ARFGEF3: variants seen among roughly 807,000 people sequenced by gnomAD.
The protein encoded by ARFGEF3 is ARFGEF family member 3.
In ARFGEF3, 96 loss-of-function variants were observed where a neutral mutation model predicts 221.7. The ratio of observed to expected loss-of-function variants is 0.43; its 90% CI spans 0.37 to 0.51. The LOEUF (loss-of-function observed/expected upper bound fraction) is 0.51, where lower values mean the gene tolerates loss of function less well. Ranked by LOEUF, ARFGEF3 falls within the 20% of genes least tolerant of loss-of-function variation. The pLI is 0.00. For synonymous variants in ARFGEF3, 1,145 were observed against 1,126.8 expected, an observed-to-expected ratio of 1.02 and a Z score of -0.32; for missense variants, 2,410 against 2,789.9, an observed-to-expected ratio of 0.86 and a Z score of 3.07.
At chr6:138,190,376 G>A (rs946699639) in intron 2 of ARFGEF3, among the ~76,000 whole-genome samples, 2 of 151,976 alleles carry the variant, frequency 1.3e-5, no homozygotes, top group Admixed American at 1.3e-4. Context: ...GTGGCATTTG[G>A]AAGGATGGAT....
intron 1 of ARFGEF3, among the ~76,000 whole-genome samples, chr6:138,168,455 C>G (rs2114424951): frequency 6.6e-6 from 1 of 152,280 alleles, no homozygotes; most frequent in East Asian, 1.9e-4. Flanking sequence ...CATGAAAGTC[C>G]TTGTTGGGCT....
At position 138,263,528 on chromosome 6, in the gene ARFGEF3, G is replaced by T. The variant is rs371342122; in HGVS notation, c.2045G>T (p.Gly682Val). 203 of 1,613,372 alleles carry T rather than the reference G, an allele frequency of 1.3e-4. No individual in the cohort carries two copies. Among genetic ancestry groups the T allele is most frequent in the Non-Finnish European group, 1.7e-4 (195 of 1,179,874 alleles). Residue 682 changes from glycine to valine, a missense_variant, in exon 12 of 34, where the codon GGC becomes GTC. This residue lies in a region of ARFGEF3 where 594 missense variants were observed against 734.3 expected (regional missense o/e 0.81). Transcript: ENST00000251691. ...AGGCTGTTCATACAGTCCCTGGAAG[G>T]CCTCCTCCCTCGGCTCCTGTCTCTC... ...SARLFIQSLE[G>V]LLPRLLSLSN...
chr6:138,323,745 C>T lies in ARFGEF3; in HGVS notation c.4841C>T (p.Ala1614Val), dbSNP rs767280503. 1.9e-6 allele frequency: 3 copies of T among 1,613,976 alleles called. No homozygotes were observed. Among genetic ancestry groups the T allele is most frequent in the South Asian group, 1.1e-5 (1 of 91,086 alleles). Reference sequence around the variant, plus strand: ...CTTGCCTGCTGTGCCCTGCAAGATGCGTTCTCTGCCACACTCAAGCCAGTG... The same window carrying T: ...CTTGCCTGCTGTGCCCTGCAAGATGTGTTCTCTGCCACACTCAAGCCAGTG... ...WRLACCALQD[A>V]FSATLKPVKD... Residue 1614 changes from alanine (A) to valine (V), a missense_variant, in exon 30 of 34, where the codon GCG becomes GTG. Around this residue, in one of 5 missense-constraint regions of ARFGEF3, gnomAD observed 723 missense variants for 991.9 expected, o/e 0.73. Coordinates refer to ENST00000251691, the MANE Select transcript of ARFGEF3 (RefSeq NM_020340.5).
At chr6:138,218,916 G>C (rs959440628) in intron 4 of ARFGEF3, among the ~76,000 whole-genome samples, 4 of 151,814 alleles carry the variant, frequency 2.6e-5, no homozygotes, top group Admixed American at 1.3e-4. Context: ...AATAAGTCGT[G>C]GAACTTTTAA....
chr6:138,242,597 C>T (rs1778412300), intron 6 of ARFGEF3, among the ~76,000 whole-genome samples: 1 of 152,168 alleles, frequency 6.6e-6, no homozygotes, highest in Non-Finnish European at 1.5e-5. Context: ...ATTAACTCAC[C>T]TCTTCAGGTA....
In ARFGEF3 at chr6:138,336,332, T is replaced by C; in HGVS notation, c.6380T>C (p.Ile2127Thr). ...ATGGTGCTAACAGTTCTCAATCAGA[T>C]TCAGATTCTCCCAGACCAGACCTTC... Reference protein sequence around the residue: ...TNMVLTVLNQIQILPDQTFTA... With the variant: ...TNMVLTVLNQTQILPDQTFTA... The change falls in exon 34 of 34, where the codon ATT (isoleucine) becomes ACT (threonine). Residue 2127 changes from isoleucine to threonine, a missense_variant. By Grantham distance (89) the Ile-to-Thr change is moderately conservative (BLOSUM62 -1). Coordinates refer to ENST00000251691, the MANE Select transcript of ARFGEF3 (RefSeq NM_020340.5). 3 of 1,605,594 alleles carry C rather than the reference T, an allele frequency of 1.9e-6. No individual in the cohort carries two copies. The highest frequency in any genetic ancestry group is 2.7e-5 in the African/African-American group (2 of 74,612).
At chr6:138,307,219 G>C in intron 22 of ARFGEF3, 34 bp from the exon 23 acceptor site, 2 of 1,606,320 alleles carry the variant, frequency 1.2e-6, no homozygotes, top group Middle Eastern at 1.7e-4. Context: ...TTTAAGGAGA[G>C]GGCTTTAAGT....
intron 8 of ARFGEF3, among the ~76,000 whole-genome samples, chr6:138,248,309 G>A (rs1487456897): frequency 6.6e-6 from 1 of 152,110 alleles, no homozygotes; most frequent in Non-Finnish European, 1.5e-5. Flanking sequence ...ACTTGTTTGT[G>A]TTCACCAGGG....
intron 6 of ARFGEF3, among the ~76,000 whole-genome samples, chr6:138,240,176 G>A (rs911934831): frequency 1.5e-4 from 22 of 151,430 alleles, no homozygotes; most frequent in Non-Finnish European, 3.1e-4. Context: ...AGCTAGTATG[G>A]GAATATTTAG....
chr6:138,270,463 C>CACACAT (rs879929949), intron 12 of ARFGEF3, among the ~76,000 whole-genome samples: 152 of 123,878 alleles, frequency 1.2e-3, no homozygotes, highest in Middle Eastern at 7.8e-3. Context: ...CACACACACA[C>CACACAT]ATATATATAT....
At chr6:138,299,867 A>T (rs1779598921) in intron 22 of ARFGEF3, among the ~76,000 whole-genome samples, 1 of 152,194 alleles carries the variant, frequency 6.6e-6, no homozygotes, top group African/African-American at 2.4e-5. Context: ...GCACTCCAGG[A>T]TTTATTATTA....
In ARFGEF3 at chr6:138,189,397, A is replaced by C. The variant is rs529054697; in HGVS notation, c.138-17645A>C. Among the ~76,000 whole-genome samples, 13 of 152,336 alleles carry C rather than the reference A, an allele frequency of 8.5e-5. No individual in the cohort carries two copies. The East Asian group carries it at 1.9e-3, about 23-fold the overall frequency. ...GAGAGGAGACTGAGGCTTTGTGAGG[A>C]TAACTTGCCCAGGATTACCCAGTAA... On this transcript the variant is annotated intron_variant, in intron 2 of 33. Transcript: ENST00000251691.
intron 24 of ARFGEF3, among the ~76,000 whole-genome samples, chr6:138,310,198 C>T (rs933522134): frequency 1.3e-5 from 2 of 152,172 alleles, no homozygotes; most frequent in African/African-American, 4.8e-5. Context: ...CGTTCAAATA[C>T]ACAGCGGCCA....
intron 12 of ARFGEF3, among the ~76,000 whole-genome samples, chr6:138,269,247 C>T (rs530495366): frequency 1.2e-4 from 19 of 152,394 alleles, no homozygotes; most frequent in Admixed American, 1.1e-3. Flanking sequence ...GCTTCTTCCC[C>T]TGTCTCTTCA....
rs1169810534 is a variant in ARFGEF3 at position 138,162,405 on chromosome 6, C to T, written c.85+234C>T. Among the ~76,000 whole-genome samples, 1 of 152,230 alleles carries T rather than the reference C, an allele frequency of 6.6e-6. No individual in the cohort carries two copies. Among genetic ancestry groups the T allele is most frequent in the South Asian group, 2.1e-4 (1 of 4,826 alleles). Reference sequence around the variant, plus strand: ...CGAAACCTTCCTCGGGAACCGCTGTCCTCCCTGCCTGGCGGCCCCCTTCTC... The same window carrying T: ...CGAAACCTTCCTCGGGAACCGCTGTTCTCCCTGCCTGGCGGCCCCCTTCTC... On this transcript the variant is annotated intron_variant, in intron 1 of 33. Coordinates refer to ENST00000251691, the MANE Select transcript of ARFGEF3 (RefSeq NM_020340.5). The surrounding 1 kb of genome is among the most constrained non-coding windows in gnomAD (Gnocchi z 4.7).
chr6:138,307,492 A>G, intron 23 of ARFGEF3, 95 bp downstream of exon 23: 1 of 1,133,154 alleles, frequency 8.8e-7, no homozygotes, highest in Non-Finnish European at 1.3e-6. Context: ...TAGGGAAGAC[A>G]GATTGTCAGC....
chr6:138,164,348 C>T (rs996813093), intron 1 of ARFGEF3, among the ~76,000 whole-genome samples: 3 of 152,198 alleles, frequency 2.0e-5, no homozygotes, highest in Non-Finnish European at 4.4e-5. Context: ...AGCTGCAGCA[C>T]TTTGTTGAAC....
intron 2 of ARFGEF3, among the ~76,000 whole-genome samples, chr6:138,197,510 A>T (rs1777452251): frequency 6.6e-6 from 1 of 152,208 alleles, no homozygotes; most frequent in Admixed American, 6.5e-5. Context: ...CTTTTATACA[A>T]CTGGCGGCAC....
chr6:138,278,421 C>A, intron 12 of ARFGEF3, 30 bp from the exon 13 acceptor site: 1 of 1,608,168 alleles, frequency 6.2e-7, no homozygotes. Flanking sequence ...CTGTTCACAC[C>A]CCCAAAAGTC....
Sources: allele counts gnomAD v4.1 joint callset (sites outside exome capture counted in the v4.1 genomes callset), GRCh38; gene constraint gnomAD v4.1.1; regional missense constraint gnomAD v4.1.1; non-coding constraint Gnocchi (gnomAD v3.1); transcripts MANE v1.5; gene names NCBI Gene and HGNC (gene_info 2026-07-23, HGNC 2026-07-21).